MSANTD5: variants seen among roughly 807,000 people sequenced by gnomAD.
MSANTD5 encodes uncharacterized protein MSANTD5.
chr5:178,693,084 C>T (rs946587402), downstream of MSANTD5, among the ~76,000 whole-genome samples: 10 of 151,644 alleles, frequency 6.6e-5, no homozygotes, highest in Non-Finnish European at 5.9e-5. Flanking sequence ...CTGAGGCGGG[C>T]GGATCACCTG....
chr5:178,707,210 G>A, the MSANTD5 span: 3 of 152,064 alleles, frequency 2.0e-5, no homozygotes, highest in Non-Finnish European at 4.4e-5. Context: ...ATGAAGAATA[G>A]AAGAATATCG....
downstream of MSANTD5, among the ~76,000 whole-genome samples, chr5:178,693,634 C>T (rs1765379469): frequency 6.6e-6 from 1 of 152,012 alleles, no homozygotes; most frequent in Non-Finnish European, 1.5e-5. Context: ...CGAAAGAGGA[C>T]CTGAGCACCT....
downstream of MSANTD5, among the ~76,000 whole-genome samples, chr5:178,694,315 CAA>C (rs56778816): frequency 0.013 from 775 of 61,466 alleles, 1 homozygote; most frequent in Middle Eastern, 0.019. Context: ...GACTCCATCT[CAA>C]AAAAAAAAAA....
At chr5:178,698,899 C>T (rs1181772559), upstream of MSANTD5, among the ~76,000 whole-genome samples, 1 of 151,828 alleles carries the variant, frequency 6.6e-6, no homozygotes, top group Admixed American at 6.6e-5. Context: ...CCTAGTGGTA[C>T]CTTAAGTCAG....
chr5:178,697,142 G>A (rs1333844823), intron 1 of MSANTD5, among the ~76,000 whole-genome samples: 1 of 152,182 alleles, frequency 6.6e-6, no homozygotes, highest in African/African-American at 2.4e-5. Flanking sequence ...AAGGCTGCCT[G>A]TGGCTGAACA....
upstream of MSANTD5, among the ~76,000 whole-genome samples, chr5:178,698,633 G>A (rs545589043): frequency 6.6e-6 from 1 of 152,156 alleles, no homozygotes; most frequent in African/African-American, 2.4e-5. Flanking sequence ...AGGCTGGGGT[G>A]CAGTGGCGTG....
intron 1 of MSANTD5, among the ~76,000 whole-genome samples, chr5:178,697,313 G>A (rs926925190): frequency 3.3e-5 from 5 of 151,568 alleles, no homozygotes; most frequent in African/African-American, 1.2e-4. Context: ...AATTAGCCGG[G>A]CGTGGTGGCG....
chr5:178,700,249 G>A (rs1004908169), upstream of MSANTD5, among the ~76,000 whole-genome samples: 3 of 152,148 alleles, frequency 2.0e-5, no homozygotes, highest in East Asian at 3.9e-4. Flanking sequence ...CCCTGGTCAA[G>A]TCTAGCTCTT....
At chr5:178,696,777 C>A (rs1285913918) in intron 1 of MSANTD5, among the ~76,000 whole-genome samples, 6 of 151,862 alleles carry the variant, frequency 4.0e-5, no homozygotes, top group Non-Finnish European at 8.8e-5. Context: ...AAGTACAGGA[C>A]ACAGAAGCAG....
the MSANTD5 span, among the ~76,000 whole-genome samples, chr5:178,707,352 C>T: frequency 6.6e-6 from 1 of 152,016 alleles, no homozygotes; most frequent in Middle Eastern, 3.4e-3. Flanking sequence ...TAGCATCATG[C>T]AGAAACGCAG....
chr5:178,695,083 T>C (rs921394372), intron 3 of MSANTD5, 136 bp from the exon 4 acceptor site: 1 of 152,226 alleles, frequency 6.6e-6, no homozygotes, highest in Admixed American at 6.6e-5. Flanking sequence ...TCAGAATTAT[T>C]ACTTTGGGGA....
chr5:178,701,654 A>G (rs1441595930), upstream of MSANTD5, among the ~76,000 whole-genome samples: 1 of 149,226 alleles, frequency 6.7e-6, no homozygotes, highest in Non-Finnish European at 1.5e-5. Flanking sequence ...CCTGGGTGAC[A>G]AGAGTGAAAC....
chr5:178,701,028 C>T (rs1443946585), upstream of MSANTD5, among the ~76,000 whole-genome samples: 3 of 152,152 alleles, frequency 2.0e-5, no homozygotes, highest in Non-Finnish European at 4.4e-5. Context: ...GGCTGGAGTG[C>T]AGTGGCGCGA....
At position 178,695,278 on chromosome 5, in the gene MSANTD5, G is replaced by C. The variant is rs1765399422; in HGVS notation, c.403+9C>G. 6.6e-6 allele frequency: 1 copy of C among 152,286 alleles called. No homozygotes were observed. The highest frequency in any genetic ancestry group is 1.5e-5 in the Non-Finnish European group (1 of 68,208). The allele number at this position is 152,286 out of a possible 1,614,324, so 9.4% of individuals were successfully genotyped here. ...CTAGACCATGGAGATGAACACAAAA[G>C]ACACAAACCTGAGAAGACGCTGATC... On this transcript the variant is annotated intron_variant, in intron 3 of 3. Transcript: ENST00000648368.
chr5:178,699,506 G>GCTTCAAGCAATTCTCCTGC, upstream of MSANTD5, among the ~76,000 whole-genome samples: 1 of 150,676 alleles, frequency 6.6e-6, no homozygotes, highest in Non-Finnish European at 1.5e-5. Flanking sequence ...CTGCCTCCTG[G>GCTTCAAGCAATTCTCCTGC]CTTCAAGCAA....
chr5:178,696,692 G>C (rs1765416644), intron 1 of MSANTD5, among the ~76,000 whole-genome samples: 1 of 152,108 alleles, frequency 6.6e-6, no homozygotes, highest in South Asian at 2.1e-4. Context: ...TGGGAGCAGG[G>C]AGAGGGAAAT....
upstream of MSANTD5, among the ~76,000 whole-genome samples, chr5:178,699,751 T>C (rs1765456596): frequency 6.6e-6 from 1 of 152,216 alleles, no homozygotes; most frequent in Non-Finnish European, 1.5e-5. Flanking sequence ...AACTGACTTT[T>C]TATTCATGCT....
At chr5:178,704,230 C>T in the MSANTD5 span, among the ~76,000 whole-genome samples, 10 of 152,166 alleles carry the variant, frequency 6.6e-5, no homozygotes, top group Non-Finnish European at 1.3e-4. Context: ...AAGTGTGTCA[C>T]ATCTGAATGC....
the MSANTD5 span, among the ~76,000 whole-genome samples, chr5:178,707,439 C>T: frequency 8.6e-5 from 13 of 151,150 alleles, no homozygotes; most frequent in Non-Finnish European, 1.3e-4. Flanking sequence ...GCACTTCTGG[C>T]GGGGCGCGGT....
Sources: gnomAD v4.1 joint callset for allele counts (sites outside exome capture counted in the v4.1 genomes callset) on GRCh38, gnomAD v4.1.1 for gene constraint, MANE v1.5 for transcripts, NCBI Gene and HGNC (gene_info 2026-07-23, HGNC 2026-07-21) for gene names.